Variants in ANKS3 observed in about 807,000 individuals in gnomAD.
ANKS3 encodes ankyrin repeat and SAM domain-containing protein 3.
Under a neutral mutation model 80.7 loss-of-function variants are expected in ANKS3, and 62 were observed. That is an observed-to-expected ratio of 0.77 (90% CI 0.63 to 0.95). The LOEUF (loss-of-function observed/expected upper bound fraction) is 0.95. Ranked by LOEUF, ANKS3 falls within the 40% of genes least tolerant of loss-of-function variation. The pLI is 0.00. For missense variants in ANKS3, 1,150 were observed against 883.6 expected, an observed-to-expected ratio of 1.30 and a Z score of -3.82; for synonymous variants, 489 against 355.3, an observed-to-expected ratio of 1.38 and a Z score of -4.23.
At chr16:4,706,887 T>C (rs1352332790) in intron 7 of ANKS3, among the ~76,000 whole-genome samples, 3 of 152,102 alleles carry the variant, frequency 2.0e-5, no homozygotes. Flanking sequence ...AGCTGCTCGC[T>C]CAGGTGCAAA....
chr16:4,708,409 C>G (rs1048830643), intron 7 of ANKS3, among the ~76,000 whole-genome samples: 7 of 152,050 alleles, frequency 4.6e-5, no homozygotes, highest in African/African-American at 1.7e-4. Context: ...CCAGAATACA[C>G]TTAAAGCAGC....
chr16:4,721,251 G>A lies in ANKS3; in HGVS notation c.573+3499C>T, dbSNP rs568282622. Among the ~76,000 whole-genome samples, 4 of 149,330 alleles carry A rather than the reference G, an allele frequency of 2.7e-5. No individual in the cohort carries two copies. In the South Asian group the frequency reaches 8.5e-4, roughly 32 times the overall value. On this transcript the variant is annotated intron_variant, in intron 6 of 17. Coordinates refer to ENST00000304283, the MANE Select transcript of ANKS3 (RefSeq NM_133450.4). ...ACCCGGAAGTCTGAGGTTGCAGTGA[G>A]CCGAGATCGTGCCACTGCACTCTAG...
At chr16:4,723,629 C>G (rs1484689405) in intron 6 of ANKS3, among the ~76,000 whole-genome samples, 1 of 152,210 alleles carries the variant, frequency 6.6e-6, no homozygotes, top group East Asian at 1.9e-4. Context: ...CAGCATGCAG[C>G]AGTACTGCAT....
In ANKS3 at chr16:4,729,964, C is replaced by G. The variant is rs530913159; in HGVS notation, c.170+16G>C. On this transcript the variant is annotated intron_variant, in intron 3 of 17. Transcript: ENST00000304283. ...GCTGCTCAAAATGTGAGAGGAAGTT[C>G]CCCGAGATCTCTTACCGCTGCACAC... 6 of 1,457,522 alleles carry G rather than the reference C, an allele frequency of 4.1e-6. No homozygotes were observed. In the African/African-American group the frequency reaches 5.7e-5, roughly 14 times the overall value. 90.3% of individuals were successfully genotyped at this position (1,457,522 alleles called of 1,614,324 possible).
In ANKS3 at chr16:4,702,252, G is replaced by C. The variant is rs376883656; in HGVS notation, c.869-10C>G. 5 of 1,521,902 alleles carry C rather than the reference G, an allele frequency of 3.3e-6. No individual in the cohort carries two copies. The highest frequency in any genetic ancestry group is 4.6e-5 in the Admixed American group (2 of 43,584). 94.3% of individuals were successfully genotyped at this position (1,521,902 alleles called of 1,614,324 possible). A position where few individuals can be genotyped will look rare whatever the true frequency, so the allele number is the denominator to read the frequency against. Reference sequence around the variant, plus strand: ...CGGGGAGGAGCCTGCTCTGTGTACAGAATGGGGCCCATAAGCCCAGGGAAC... The same window carrying C: ...CGGGGAGGAGCCTGCTCTGTGTACACAATGGGGCCCATAAGCCCAGGGAAC... On this transcript the variant is annotated splice_polypyrimidine_tract_variant and intron_variant, in intron 8 of 17. Transcript: ENST00000304283.
In ANKS3 at chr16:4,698,486, G is replaced by A. The variant is rs1344544719; in HGVS notation, c.1665C>T (p.Ala555=). The A allele has an allele frequency of 5.2e-6, 8 of 1,551,452 alleles. No homozygotes were observed. Among genetic ancestry groups the A allele is most frequent in the East Asian group, 2.4e-5 (1 of 42,010 alleles). Residue 555 remains alanine (A), a synonymous_variant, in exon 14 of 18, where the codon GCC becomes GCT. Coordinates refer to ENST00000304283, the MANE Select transcript of ANKS3 (RefSeq NM_133450.4). ...EQDRAREDLQ[A]RLRETWALAR... is the part of the protein sequence containing the mutation. ...CCAGGGCCCACGTCTCCCGCAGCCG[G>A]GCCTGGAGGTCCTCGCGGGCGCGGT...
chr16:4,698,417 A>G lies in ANKS3; in HGVS notation c.1724+10T>C. 6.6e-7 allele frequency: 1 copy of G among 1,504,004 alleles called. No homozygotes were observed. The highest frequency in any genetic ancestry group is 1.4e-5 in the African/African-American group (1 of 72,622). The allele number at this position is 1,504,004 out of a possible 1,614,324, so 93.2% of individuals were successfully genotyped here. A position where few individuals can be genotyped will look rare whatever the true frequency, so the allele number is the denominator to read the frequency against. ...GGAGACCCAGCCCAGGGCAGCTCAG[A>G]GCCACTCACCGCAGCTGGTCCAGGA... On this transcript the variant is annotated intron_variant, in intron 14 of 17. Coordinates refer to ENST00000304283, the MANE Select transcript of ANKS3 (RefSeq NM_133450.4).
At chr16:4,708,542 T>C (rs1294534970) in intron 7 of ANKS3, among the ~76,000 whole-genome samples, 4 of 152,056 alleles carry the variant, frequency 2.6e-5, no homozygotes, top group African/African-American at 9.7e-5. Flanking sequence ...AAAGCAGAAA[T>C]TAAACAGACA....
At chr16:4,700,812 G>T in intron 11 of ANKS3, 158 bp downstream of exon 11, 1 of 978,060 alleles carries the variant, frequency 1.0e-6, no homozygotes, top group Non-Finnish European at 1.6e-6. Context: ...CAGCCATGGA[G>T]CCGGCTGTGA....
At chr16:4,731,212 G>A (rs1446873288) in intron 2 of ANKS3, among the ~76,000 whole-genome samples, 8 of 152,190 alleles carry the variant, frequency 5.3e-5, no homozygotes, top group African/African-American at 1.9e-4. Context: ...TGACTGTGAC[G>A]GTGGATCTGT....
At chr16:4,716,354 C>G (rs1214510567) in intron 6 of ANKS3, among the ~76,000 whole-genome samples, 1 of 137,820 alleles carries the variant, frequency 7.3e-6, no homozygotes, top group African/African-American at 2.7e-5. Context: ...CACGGAGACT[C>G]CAACTCAAAA....
At chr16:4,701,803 G>C in intron 9 of ANKS3, 4 of 502,784 alleles carry the variant, frequency 8.0e-6, no homozygotes. Flanking sequence ...AACAGCTGCT[G>C]CACGGAGGTG....
rs750485043 is a variant in ANKS3, at chr16:4,701,095, C to G, written c.1159G>C (p.Ala387Pro). 2 of 1,614,050 alleles carry G rather than the reference C, an allele frequency of 1.2e-6. No homozygotes were observed. Among genetic ancestry groups the G allele is most frequent in the Admixed American group, 3.3e-5 (2 of 60,028 alleles). ...TTCTTGGTCTTCATGTAACTTTTAG[C>G]TTGTTTGCGAGCTGAGCTTTTACAG... is the stretch of plus-strand genomic sequence containing the variant. ...HACKSSARKQ[A>P]KSYMKTKNPD... Residue 387 changes from alanine to proline, a missense_variant, in exon 11 of 18, where the codon GCT (alanine) becomes CCT (proline). By Grantham distance (27) the Ala-to-Pro change is conservative. Coordinates refer to ENST00000304283, the MANE Select transcript of ANKS3 (RefSeq NM_133450.4).
Position 4,697,375 on chromosome 16 carries a change from G to A in ANKS3, c.1852C>T (p.Pro618Ser). Reference protein sequence around the residue: ...WQASLQAMSLPELSGALEDRV... With the variant: ...WQASLQAMSLSELSGALEDRV... ...TCCTCCAGGGCTCCCGAGAGCTCGG[G>A]GAGGCTCATGGCCTGCAGGGACGCT... is the stretch of plus-strand genomic sequence containing the variant. Residue 618 changes from proline to serine, a missense_variant, in exon 16 of 18, where the codon CCC becomes TCC. Coordinates refer to ENST00000304283, the MANE Select transcript of ANKS3 (RefSeq NM_133450.4). 6.2e-7 allele frequency: 1 copy of A among 1,610,382 alleles called. No individual in the cohort carries two copies. Among genetic ancestry groups the A allele is most frequent in the Non-Finnish European group, 8.5e-7 (1 of 1,178,362 alleles).
At chr16:4,724,553 C>T (rs1258060696) in intron 6 of ANKS3, among the ~76,000 whole-genome samples, 197 bp downstream of exon 6, 2 of 152,298 alleles carry the variant, frequency 1.3e-5, no homozygotes, top group Admixed American at 6.5e-5. Context: ...GAATAGGTGT[C>T]TATTTCTACT....
At position 4,696,751 on chromosome 16, in the gene ANKS3, G is replaced by A. The variant is rs1041472255; in HGVS notation, c.*157C>T. On this transcript the variant is annotated 3_prime_UTR_variant, in exon 18 of 18. Coordinates refer to ENST00000304283, the MANE Select transcript of ANKS3 (RefSeq NM_133450.4). Reference sequence around the variant, plus strand: ...CTGCCGAGCCAGGGCCGCAGCCCCCGTCTTGCCTCTGTCTGCCGGCTGCTC... The same window carrying A: ...CTGCCGAGCCAGGGCCGCAGCCCCCATCTTGCCTCTGTCTGCCGGCTGCTC... The A allele has an allele frequency of 1.1e-5, 6 of 536,718 alleles. No homozygotes were observed. Among genetic ancestry groups the A allele is most frequent in the African/African-American group, 3.8e-5 (2 of 52,258 alleles). 33.2% of individuals were successfully genotyped at this position (536,718 alleles called of 1,614,324 possible).
At position 4,702,157 on chromosome 16, in the gene ANKS3, G is replaced by C. The variant is rs144903404; in HGVS notation, c.954C>G (p.Val318=). 6.3e-7 allele frequency: 1 copy of C among 1,595,472 alleles called. No homozygotes were observed. The highest frequency in any genetic ancestry group is 8.5e-7 in the Non-Finnish European group (1 of 1,172,024). ...LEEEGLCCRD[V]TSPINERDVE... is the part of the protein sequence containing the mutation. Reference sequence around the variant, plus strand: ...CATCCCGCTCATTGATGGGGGAGGTGACATCCCGGCAGCAGAGGCCCTCTT... The same window carrying C: ...CATCCCGCTCATTGATGGGGGAGGTCACATCCCGGCAGCAGAGGCCCTCTT... The change falls in exon 9 of 18, where the codon GTC becomes GTG. Residue 318 remains valine (V), a synonymous_variant. Transcript: ENST00000304283.
At chr16:4,733,917 G>A (rs2081807277) in intron 1 of ANKS3, 21 bp downstream of exon 1, 4 of 985,344 alleles carry the variant, frequency 4.1e-6, no homozygotes, top group African/African-American at 1.7e-5. Context: ...CGGGTCCCTG[G>A]CCGACAAACC....
At chr16:4,717,061 G>A (rs1271080177) in intron 6 of ANKS3, among the ~76,000 whole-genome samples, 1 of 150,872 alleles carries the variant, frequency 6.6e-6, no homozygotes, top group African/African-American at 2.4e-5. Context: ...GGAAAACGTG[G>A]TAAAACCCCA....
Sources: gnomAD v4.1 joint callset for allele counts (sites outside exome capture counted in the v4.1 genomes callset) on GRCh38, gnomAD v4.1.1 for gene constraint, MANE v1.5 for transcripts, NCBI Gene and HGNC (gene_info 2026-07-23, HGNC 2026-07-21) for gene names.